The following DCC variants were observed in gnomAD, a reference collection of about 807,000 sequenced individuals.
DCC encodes netrin receptor DCC.
A neutral mutation model predicts 172.5 loss-of-function variants in DCC; 58 were observed. That is an observed-to-expected ratio of 0.34 (90% CI 0.27 to 0.42). The LOEUF (loss-of-function observed/expected upper bound fraction) is 0.42, where lower values mean the gene tolerates loss of function less well. DCC is among the 10% of genes least tolerant of loss of function. DCC has a pLI of 1.00. For synonymous variants in DCC, 709 were observed against 644.5 expected (o/e 1.10, Z -1.52); for missense variants, 1,740 against 1,791.0 (o/e 0.97, Z 0.51).
intron 1 of DCC, among the ~76,000 whole-genome samples, chr18:52,527,543 A>T (rs1364279363): frequency 6.6e-6 from 1 of 152,198 alleles, no homozygotes; most frequent in Non-Finnish European, 1.5e-5. Context: ...AATGTGTTGG[A>T]AAAATGCAGA....
At chr18:53,189,004 T>C (rs2055328002) in intron 9 of DCC, among the ~76,000 whole-genome samples, 1 of 152,212 alleles carries the variant, frequency 6.6e-6, no homozygotes, top group South Asian at 2.1e-4. Context: ...GGTCACATTC[T>C]GAGGTTCTGG....
chr18:52,617,807 TGAA>T (rs1384349792), intron 1 of DCC, among the ~76,000 whole-genome samples: 89 of 152,298 alleles, frequency 5.8e-4, no homozygotes, highest in African/African-American at 2.1e-3. Flanking sequence ...CAGTGAAGCA[TGAA>T]GAGAAGCTTA....
chr18:53,513,637 A>G (rs1335450309), intron 27 of DCC, among the ~76,000 whole-genome samples: 1 of 152,106 alleles, frequency 6.6e-6, no homozygotes, highest in Non-Finnish European at 1.5e-5. Flanking sequence ...AGCAAATGGA[A>G]AACAAAAAAA....
rs558216927 is a variant in DCC, at chr18:52,689,639, T to C, written c.92-62415T>C. 1.8e-4 allele frequency among the ~76,000 whole-genome samples: 27 copies of C among 152,222 alleles called. No homozygotes were observed. In the East Asian group the frequency reaches 4.5e-3, roughly 25 times the overall value. On this transcript the variant is annotated intron_variant, in intron 1 of 28. Transcript: ENST00000442544. ...TAGCTCCTCAGTATATAAAGGCAGATGAATCTGGATTTGATGTAGTAGGAA... is the reference window on the plus strand; with the variant it reads ...TAGCTCCTCAGTATATAAAGGCAGACGAATCTGGATTTGATGTAGTAGGAA...
At chr18:53,089,851 T>C (rs2042977473) in intron 7 of DCC, among the ~76,000 whole-genome samples, 1 of 152,238 alleles carries the variant, frequency 6.6e-6, no homozygotes, top group African/African-American at 2.4e-5. Context: ...CATTTTTATG[T>C]CACAGGTATA....
At chr18:53,382,725 A>G (rs1907862600) in intron 15 of DCC, among the ~76,000 whole-genome samples, 1 of 152,146 alleles carries the variant, frequency 6.6e-6, no homozygotes, top group Non-Finnish European at 1.5e-5. Context: ...GACAACATAC[A>G]TTTTCAAAAA....
At chr18:52,357,979 A>G (rs1325011829) in intron 1 of DCC, among the ~76,000 whole-genome samples, 3 of 151,624 alleles carry the variant, frequency 2.0e-5, no homozygotes, top group Non-Finnish European at 4.4e-5. Context: ...TACCTCAGCC[A>G]GGTGATCAAA....
At chr18:52,962,507 G>T (rs901437677) in intron 5 of DCC, among the ~76,000 whole-genome samples, 18 of 151,886 alleles carry the variant, frequency 1.2e-4, no homozygotes, top group African/African-American at 4.4e-4. Flanking sequence ...ACTGTTGGTG[G>T]GACTGTAAAC....
intron 2 of DCC, among the ~76,000 whole-genome samples, chr18:52,809,038 T>A (rs948538108): frequency 1.3e-5 from 2 of 152,202 alleles, no homozygotes; most frequent in African/African-American, 4.8e-5. Context: ...GGATGCCATA[T>A]GCCAAACAGT....
chr18:52,930,723 T>C (rs770045714), intron 5 of DCC, among the ~76,000 whole-genome samples: 7 of 152,176 alleles, frequency 4.6e-5, no homozygotes, highest in Non-Finnish European at 8.8e-5. Flanking sequence ...CCTTCATACA[T>C]TTATTGAAAC....
intron 1 of DCC, among the ~76,000 whole-genome samples, chr18:52,739,219 C>G (rs1242326593): frequency 6.6e-6 from 1 of 152,170 alleles, no homozygotes; most frequent in African/African-American, 2.4e-5. Context: ...TTATGCAGCT[C>G]ATGACTGTAC....
At chr18:52,610,674 T>C (rs1159190852) in intron 1 of DCC, among the ~76,000 whole-genome samples, 1 of 152,098 alleles carries the variant, frequency 6.6e-6, no homozygotes, top group African/African-American at 2.4e-5. Flanking sequence ...TTGTGAGTCA[T>C]GCCGCTTTGG....
chr18:53,219,366 T>C (rs188710577), intron 12 of DCC, among the ~76,000 whole-genome samples: 72 of 152,230 alleles, frequency 4.7e-4, no homozygotes, highest in African/African-American at 1.6e-3. Flanking sequence ...AAAACACAAA[T>C]CAATTTCAGT....
At position 53,148,865 on chromosome 18, in the gene DCC, C is replaced by CTTTTTTTTTTTTTTTTTTTTT. The variant is rs5824990; in HGVS notation, c.1262-8474_1262-8473insTTTTTTTTTTTTTTTTTTTTT. ...AAACTAGCTCAGAACTTCCCAATGC[C>CTTTTTTTTTTTTTTTTTTTTT]TTTTTTTTTTTTTTTTTGGACAAAG... On this transcript the variant is annotated intron_variant, in intron 7 of 28. Transcript: ENST00000442544. Among the ~76,000 whole-genome samples the CTTTTTTTTTTTTTTTTTTTTT allele has an allele frequency of 2.3e-3, 255 of 109,750 alleles. 24 individuals carry two copies. Among genetic ancestry groups the CTTTTTTTTTTTTTTTTTTTTT allele is most frequent in the African/African-American group, 8.4e-3 (223 of 26,688 alleles). 72.0% of individuals were successfully genotyped at this position (109,750 alleles called of 152,430 possible). A position where few individuals can be genotyped will look rare whatever the true frequency, so the allele number is the denominator to read the frequency against.
chr18:52,674,816 G>A (rs1264287771), intron 1 of DCC, among the ~76,000 whole-genome samples: 1 of 152,184 alleles, frequency 6.6e-6, no homozygotes, highest in Non-Finnish European at 1.5e-5. Flanking sequence ...AGCCAGGGCT[G>A]TTTTAAAATT....
intron 7 of DCC, among the ~76,000 whole-genome samples, chr18:53,122,811 G>T (rs1269709120): frequency 6.6e-6 from 1 of 151,976 alleles, no homozygotes; most frequent in Non-Finnish European, 1.5e-5. Flanking sequence ...GCCCTATTTT[G>T]GGTATTTCCC....
intron 5 of DCC, among the ~76,000 whole-genome samples, chr18:53,018,407 G>T (rs1278033464): frequency 6.6e-6 from 1 of 152,088 alleles, no homozygotes; most frequent in South Asian, 2.1e-4. Context: ...CACTAACCTC[G>T]TTGCCTACGT....
At chr18:53,232,342 C>T (rs1049793283) in intron 12 of DCC, among the ~76,000 whole-genome samples, 1 of 152,130 alleles carries the variant, frequency 6.6e-6, no homozygotes, top group Non-Finnish European at 1.5e-5. Context: ...CTTAAGAGTA[C>T]CTCTCTCATC....
intron 1 of DCC, chr18:52,419,663 G>A (rs1987179006): frequency 6.6e-6 from 1 of 152,030 alleles, no homozygotes; most frequent in Non-Finnish European, 1.5e-5. Context: ...TTTTTTCAGT[G>A]ACTTTTATTT....
Sources: allele counts gnomAD v4.1 joint callset (sites outside exome capture counted in the v4.1 genomes callset), GRCh38; gene constraint gnomAD v4.1.1; transcripts MANE v1.5; gene names NCBI Gene and HGNC (gene_info 2026-07-23, HGNC 2026-07-21).